Variants in ARHGEF28 observed in about 807,000 individuals in gnomAD.
The protein encoded by ARHGEF28 is Rho guanine nucleotide exchange factor 28.
ARHGEF28 carries 152 observed loss-of-function variants against 206.6 expected under a neutral mutation model. The ratio of observed to expected loss-of-function variants is 0.74; its 90% CI spans 0.64 to 0.84. ARHGEF28 has a LOEUF of 0.84. ARHGEF28 is among the 40% of genes least tolerant of loss of function. ARHGEF28 has a pLI of 0.00. For synonymous variants in ARHGEF28, 763 were observed against 776.4 expected (o/e 0.98, Z 0.29); for missense variants, 2,028 against 2,073.2 (o/e 0.98, Z 0.42).
chr5:73,838,080 T>C (rs746005096), intron 10 of ARHGEF28, among the ~76,000 whole-genome samples: 1 of 152,130 alleles, frequency 6.6e-6, no homozygotes, highest in Admixed American at 6.6e-5. Context: ...GTGAAAGAAG[T>C]ATTGCTTTAA....
At chr5:73,646,339 A>G (rs1744421733) in intron 1 of ARHGEF28, among the ~76,000 whole-genome samples, 1 of 152,230 alleles carries the variant, frequency 6.6e-6, no homozygotes, top group South Asian at 2.1e-4. Context: ...AGCATGATCC[A>G]TCTGAAAAGA....
At chr5:73,857,633 G>A in intron 14 of ARHGEF28, 23 bp from the exon 15 acceptor site, 14 of 1,553,704 alleles carry the variant, frequency 9.0e-6, no homozygotes, top group Non-Finnish European at 1.2e-5. Context: ...TATGAGCCAT[G>A]ATAACAGATT....
chr5:73,681,240 C>T (rs1174052707), intron 1 of ARHGEF28, among the ~76,000 whole-genome samples: 1 of 152,206 alleles, frequency 6.6e-6, no homozygotes, highest in African/African-American at 2.4e-5. Flanking sequence ...ACATAGATGA[C>T]AAATTGCTAA....
intron 2 of ARHGEF28, among the ~76,000 whole-genome samples, chr5:73,699,342 T>C (rs182678456): frequency 1.3e-5 from 2 of 151,820 alleles, no homozygotes; most frequent in African/African-American, 2.4e-5. Context: ...CTTCCTTCTT[T>C]TGTGCAGATC....
rs545627624 is a variant in ARHGEF28, at chr5:73,906,012, G to T, written c.4161+1607G>T. Among the ~76,000 whole-genome samples, 29 of 152,244 alleles carry T rather than the reference G, an allele frequency of 1.9e-4. No homozygotes were observed. In the South Asian group the frequency reaches 6.0e-3, roughly 32 times the overall value. ...TGTTGAATTTAAAAGAAAATAAAATGAAGCCTAAGTTTTCAGCAGAAAATA... is the reference window on the plus strand; with the variant it reads ...TGTTGAATTTAAAAGAAAATAAAATTAAGCCTAAGTTTTCAGCAGAAAATA... On this transcript the variant is annotated intron_variant, in intron 33 of 35. Coordinates refer to ENST00000513042, the MANE Select transcript of ARHGEF28 (RefSeq NM_001177693.2).
intron 16 of ARHGEF28, among the ~76,000 whole-genome samples, chr5:73,859,895 C>T (rs964396960): frequency 2.6e-5 from 4 of 152,210 alleles, no homozygotes; most frequent in African/African-American, 9.6e-5. Flanking sequence ...TGCTTTTAAG[C>T]CTGTCTCTGC....
At chr5:73,891,664 A>G (rs1761640750) in intron 26 of ARHGEF28, among the ~76,000 whole-genome samples, 2 of 151,886 alleles carry the variant, frequency 1.3e-5, no homozygotes, top group South Asian at 2.1e-4. Flanking sequence ...AGCTGAGACT[A>G]CAGGCGCACA....
chr5:73,710,077 C>T (rs1043832985), intron 2 of ARHGEF28, among the ~76,000 whole-genome samples: 9 of 152,184 alleles, frequency 5.9e-5, no homozygotes. Flanking sequence ...GGATAAATTA[C>T]TAAGAGTAGT....
At chr5:73,825,744 C>T (rs1756869562) in intron 9 of ARHGEF28, among the ~76,000 whole-genome samples, 1 of 152,036 alleles carries the variant, frequency 6.6e-6, no homozygotes, top group South Asian at 2.1e-4. Flanking sequence ...AGAAAACAGT[C>T]AAGGGTGACT....
Position 73,849,015 on chromosome 5 carries a change from T to G in ARHGEF28, c.1675T>G (p.Cys559Gly), listed in dbSNP as rs1344304074. The G allele has an allele frequency of 6.3e-7, 1 of 1,579,626 alleles. No homozygotes were observed. The highest frequency in any genetic ancestry group is 2.3e-5 in the East Asian group (1 of 43,838). Reference protein sequence around the residue: ...LSGVRSRSYSCSSPKISLGKT... With the variant: ...LSGVRSRSYSGSSPKISLGKT... ...TGGAGTTCGCTCACGTTCTTATTCT[T>G]GCTCATCACCCAAAATTTCTTTAGG... The change falls in exon 13 of 36, where the codon TGC (cysteine) becomes GGC (glycine). Residue 559 changes from cysteine to glycine, a missense_variant. Around this residue, in one of 3 missense-constraint regions of ARHGEF28, gnomAD observed 1,002 missense variants for 1,015.3 expected, o/e 0.99. Coordinates refer to ENST00000513042, the MANE Select transcript of ARHGEF28 (RefSeq NM_001177693.2).
chr5:73,841,364 T>TA (rs1309604517), intron 11 of ARHGEF28, among the ~76,000 whole-genome samples: 5 of 152,010 alleles, frequency 3.3e-5, no homozygotes, highest in African/African-American at 1.2e-4. Context: ...GAATGCAAAT[T>TA]AAAAAATATA....
chr5:73,753,237 T>C, intron 4 of ARHGEF28, 35 bp downstream of exon 4: 4 of 1,510,150 alleles, frequency 2.6e-6, no homozygotes, highest in Non-Finnish European at 3.5e-6. Context: ...ATATCCCCTC[T>C]GTGTGTCAAG....
rs1295731917 is a variant in ARHGEF28, at chr5:73,785,296, GGATCACAC to G, written c.910+4554_910+4561del. Among the ~76,000 whole-genome samples the G allele has an allele frequency of 3.9e-5, 6 of 152,208 alleles. No homozygotes were observed. In the East Asian group the frequency reaches 1.2e-3, roughly 29 times the overall value. The stretch of plus-strand genomic sequence containing the variant: ...TAACTTAGCAGTTCTCTAAATTAAT[GGATCACAC>G]GAGAGTCCTTTTTTCGCAGTTCTCA... On this transcript the variant is annotated intron_variant, in intron 7 of 35. Transcript: ENST00000513042.
intron 35 of ARHGEF28, among the ~76,000 whole-genome samples, chr5:73,914,235 A>G (rs968080172): frequency 1.3e-5 from 2 of 152,094 alleles, no homozygotes; most frequent in South Asian, 2.1e-4. Context: ...CAACCCACTG[A>G]GATGGTTCTG....
intron 35 of ARHGEF28, among the ~76,000 whole-genome samples, chr5:73,919,945 C>G (rs1763429044): frequency 1.3e-5 from 2 of 152,202 alleles, no homozygotes; most frequent in South Asian, 4.1e-4. Context: ...TTACATATTT[C>G]TCTCTTGTTA....
chr5:73,784,693 C>G (rs926904104), intron 7 of ARHGEF28, among the ~76,000 whole-genome samples: 4 of 152,162 alleles, frequency 2.6e-5, no homozygotes, highest in African/African-American at 7.2e-5. Context: ...TAGTGGATAC[C>G]TGCAACCCTG....
chr5:73,893,147 G>A (rs990822324), intron 27 of ARHGEF28, 50 bp from the exon 28 acceptor site: 4 of 1,416,478 alleles, frequency 2.8e-6, no homozygotes, highest in Admixed American at 2.5e-5. Context: ...TGAATCTACA[G>A]ATACTTGCAT....
At chr5:73,799,950 C>T (rs980091355) in intron 9 of ARHGEF28, among the ~76,000 whole-genome samples, 6 of 151,878 alleles carry the variant, frequency 4.0e-5, no homozygotes, top group East Asian at 3.9e-4. Flanking sequence ...GTGGGCTTGG[C>T]GCAAGTGCAA....
At chr5:73,865,443 C>T (rs1286453517) in intron 17 of ARHGEF28, among the ~76,000 whole-genome samples, 1 of 152,146 alleles carries the variant, frequency 6.6e-6, no homozygotes, top group East Asian at 1.9e-4. Context: ...ACTCAGTAGT[C>T]ATGTCACAGA....
Sources: gnomAD v4.1 joint callset for allele counts (sites outside exome capture counted in the v4.1 genomes callset) on GRCh38, gnomAD v4.1.1 for gene constraint, gnomAD v4.1.1 regional missense constraint, MANE v1.5 for transcripts, NCBI Gene and HGNC (gene_info 2026-07-23, HGNC 2026-07-21) for gene names.